Variants in C2CD2 observed in about 807,000 individuals in gnomAD.
C2CD2 encodes the protein C2 domain-containing protein 2.
Under a neutral mutation model 74.3 loss-of-function variants are expected in C2CD2, and 43 were observed. That is an observed-to-expected ratio of 0.58 (90% CI 0.45 to 0.75). C2CD2 has a LOEUF of 0.75. Among genes scored for constraint, C2CD2 ranks in the 30% least tolerant of loss-of-function variants. The pLI is 0.00. For missense variants in C2CD2, 801 were observed against 916.3 expected, an observed-to-expected ratio of 0.87 and a Z score of 1.63; for synonymous variants, 422 against 390.7, an observed-to-expected ratio of 1.08 and a Z score of -0.94.
chr21:41,942,798 T>C (rs2065366130), intron 1 of C2CD2: 1 of 179,558 alleles, frequency 5.6e-6, no homozygotes, highest in African/African-American at 2.4e-5. Flanking sequence ...GGCCTCTCCC[T>C]GGGATCTGAG....
intron 2 of C2CD2, among the ~76,000 whole-genome samples, chr21:41,938,169 A>G (rs770674641): frequency 3.8e-4 from 55 of 144,800 alleles, no homozygotes; most frequent in Middle Eastern, 3.6e-3. Flanking sequence ...CCACACGTGT[A>G]TATATATATA....
At chr21:41,944,793 T>C (rs533615910) in intron 1 of C2CD2, among the ~76,000 whole-genome samples, 8 of 152,070 alleles carry the variant, frequency 5.3e-5, no homozygotes, top group Admixed American at 1.3e-4. Flanking sequence ...TGTGTCCACA[T>C]AGAAAAAGAA....
In C2CD2 at chr21:41,905,743, T is replaced by C. The variant is rs1487014443; in HGVS notation, c.1413A>G (p.Thr471=). The change falls in exon 11 of 14, where the codon ACA becomes ACG. Residue 471 remains threonine (T), a synonymous_variant. Coordinates refer to ENST00000380486, the MANE Select transcript of C2CD2 (RefSeq NM_015500.2). ...IACRSAPVSK[T]LSSSDTELLV... is the part of the protein sequence containing the mutation. ...AGTTACCTGTGTCTGAAGAAGAGAGTGTTTTGCTGACGGGGGCGCTGCGGC... is the reference window on the plus strand; with the variant it reads ...AGTTACCTGTGTCTGAAGAAGAGAGCGTTTTGCTGACGGGGGCGCTGCGGC... 3 of 1,601,194 alleles carry C rather than the reference T, an allele frequency of 1.9e-6. No individual in the cohort carries two copies. Among genetic ancestry groups the C allele is most frequent in the Middle Eastern group, 3.3e-4 (2 of 6,026 alleles).
Position 41,899,361 on chromosome 21 carries a change from G to T in C2CD2, c.1562C>A (p.Thr521Asn). Residue 521 changes from threonine (T) to asparagine (N), a missense_variant and splice_region_variant, in exon 13 of 14, where the codon ACC becomes AAC. Physicochemically the swap from Thr to Asn is moderately conservative, Grantham distance 65. Coordinates refer to ENST00000380486, the MANE Select transcript of C2CD2 (RefSeq NM_015500.2). This position sits in a 1 kb window ranked among gnomAD's most constrained non-coding sequence, Gnocchi z 4.4. ...STIIISGISKTSLSQDHDAAL... is the reference protein window; with the variant it reads ...STIIISGISKNSLSQDHDAAL... Reference sequence around the variant, plus strand: ...AGCGTCGTGGTCCTGAGATAGTGAGGTCTGTCAGGGGCAGTGGGGAAGATG... The same window carrying T: ...AGCGTCGTGGTCCTGAGATAGTGAGTTCTGTCAGGGGCAGTGGGGAAGATG... 6.2e-7 allele frequency: 1 copy of T among 1,603,928 alleles called. No individual in the cohort carries two copies. The highest frequency in any genetic ancestry group is 8.5e-7 in the Non-Finnish European group (1 of 1,179,868).
chr21:41,916,393 C>A (rs758867955), intron 5 of C2CD2, among the ~76,000 whole-genome samples: 1 of 150,818 alleles, frequency 6.6e-6, no homozygotes, highest in Admixed American at 6.6e-5. Context: ...CCGTTGGAGG[C>A]GCAATGGAAC....
intron 13 of C2CD2, among the ~76,000 whole-genome samples, chr21:41,893,981 G>T (rs901722503): frequency 1.3e-5 from 2 of 152,250 alleles, no homozygotes; most frequent in African/African-American, 4.8e-5. Flanking sequence ...TTACAGGTGT[G>T]AGCCACGGCT....
In C2CD2 at chr21:41,903,731, C is replaced by T. The variant is rs1024045149; in HGVS notation, c.1433-1982G>A. ...GCTTCTGTTCAGTCCCCCGAGAGCC[C>T]GGTCCAGGTGCCAGGTGCAGCCTGC... On this transcript the variant is annotated intron_variant, in intron 11 of 13. Transcript: ENST00000380486. The surrounding 1 kb of genome is among the most constrained non-coding windows in gnomAD (Gnocchi z 4.5). Among the ~76,000 whole-genome samples, 1 of 152,160 alleles carries T rather than the reference C, an allele frequency of 6.6e-6. No homozygotes were observed. The highest frequency in any genetic ancestry group is 2.4e-5 in the African/African-American group (1 of 41,444).
At chr21:41,901,777 C>T (rs2064901641) in intron 11 of C2CD2, 28 bp from the exon 12 acceptor site, 5 of 1,609,416 alleles carry the variant, frequency 3.1e-6, no homozygotes, top group African/African-American at 1.3e-5. Context: ...GTGTTAAGTT[C>T]ATCAGCAAAA....
chr21:41,907,107 A>G lies in C2CD2; in HGVS notation c.1203T>C (p.Ala401=). The G allele has an allele frequency of 6.2e-7, 1 of 1,614,064 alleles. No homozygotes were observed. Among genetic ancestry groups the G allele is most frequent in the Non-Finnish European group, 8.5e-7 (1 of 1,179,896 alleles). ...KSWPIPPPVP[A]AKIEKDRTVM... ...CCGTGCGGTCCTTTTCTATTTTTGC[A>G]GCAGGAACAGGGGGAGGGATGGGCC... Residue 401 remains alanine (A), a synonymous_variant, in exon 10 of 14, where the codon GCT becomes GCC. Transcript: ENST00000380486.
At chr21:41,893,336 C>T (rs2064779513) in intron 13 of C2CD2, among the ~76,000 whole-genome samples, 1 of 152,116 alleles carries the variant, frequency 6.6e-6, no homozygotes, top group Non-Finnish European at 1.5e-5. Context: ...CACTGCACTC[C>T]AGCCTGGGTG....
In C2CD2 at chr21:41,889,196, CA is replaced by C; in HGVS notation, c.2018del (p.Leu673ArgfsTer15). The C allele has an allele frequency of 6.2e-7, 1 of 1,613,366 alleles. No individual in the cohort carries two copies. The highest frequency in any genetic ancestry group is 1.3e-5 in the African/African-American group (1 of 75,024). On this transcript the variant is annotated frameshift_variant, in exon 14 of 14. Coordinates refer to ENST00000380486, the MANE Select transcript of C2CD2 (RefSeq NM_015500.2). LOFTEE classifies it low-confidence loss of function (END_TRUNC). ...RRKGITLTRI[L>X]NKKLLSRHRN... ...TGTGCCTGGAGAGCAGCTTCTTGTT[CA>C]GGATCCTGGTGAGGGTGATGCCTTT...
intron 13 of C2CD2, among the ~76,000 whole-genome samples, chr21:41,896,723 A>AAAC (rs1175736644): frequency 6.6e-6 from 1 of 151,704 alleles, no homozygotes; most frequent in African/African-American, 2.4e-5. Context: ...AAAAAAAAAA[A>AAAC]AAAAAACAAG....
intron 13 of C2CD2, among the ~76,000 whole-genome samples, chr21:41,897,592 G>A (rs1462239563): frequency 6.6e-6 from 1 of 152,192 alleles, no homozygotes; most frequent in East Asian, 1.9e-4. Context: ...CAGGCAGTGG[G>A]CAAACAGAGT....
chr21:41,931,335 T>C (rs962139904), intron 2 of C2CD2, among the ~76,000 whole-genome samples: 1 of 150,260 alleles, frequency 6.7e-6, no homozygotes, highest in African/African-American at 2.4e-5. Flanking sequence ...GTGATAAATA[T>C]GTGTTTGGTC....
chr21:41,951,096 G>A (rs952491015), intron 1 of C2CD2, among the ~76,000 whole-genome samples: 2 of 152,090 alleles, frequency 1.3e-5, no homozygotes, highest in African/African-American at 2.4e-5. Flanking sequence ...CTCCCACACC[G>A]CCATCACTGT....
Position 41,888,784 on chromosome 21 carries a change from C to G in C2CD2, c.*340G>C. ...GAATAGGTAAACTAAGTCCCTCAAA[C>G]CTGCCCTCCACAATCTATTAGAGCA... On this transcript the variant is annotated 3_prime_UTR_variant, in exon 14 of 14. Coordinates refer to ENST00000380486, the MANE Select transcript of C2CD2 (RefSeq NM_015500.2). The G allele has an allele frequency of 3.3e-6, 1 of 306,112 alleles. No individual in the cohort carries two copies. Among genetic ancestry groups the G allele is most frequent in the South Asian group, 4.2e-5 (1 of 23,882 alleles). 19.0% of individuals were successfully genotyped at this position (306,112 alleles called of 1,614,324 possible).
intron 12 of C2CD2, among the ~76,000 whole-genome samples, chr21:41,900,187 T>G (rs1196379024): frequency 6.6e-6 from 1 of 151,952 alleles, no homozygotes; most frequent in Admixed American, 6.6e-5. Context: ...GGCAGGAGAA[T>G]GGCGTGAACC....
At chr21:41,906,875 G>A (rs900582160) in intron 10 of C2CD2, 117 bp downstream of exon 10, 24 of 728,526 alleles carry the variant, frequency 3.3e-5, no homozygotes, top group Non-Finnish European at 5.3e-5. Flanking sequence ...TTCCTGTGCT[G>A]TGAGAATTTC....
intron 7 of C2CD2, chr21:41,912,010 T>A: frequency 4.5e-6 from 1 of 222,168 alleles, no homozygotes; most frequent in Non-Finnish European, 8.8e-6. Context: ...CGCCTTTTTC[T>A]ATTTTCTTCG....
Sources: gnomAD v4.1 joint callset for allele counts (sites outside exome capture counted in the v4.1 genomes callset) on GRCh38, gnomAD v4.1.1 for gene constraint, Gnocchi (gnomAD v3.1) non-coding constraint, MANE v1.5 for transcripts, NCBI Gene and HGNC (gene_info 2026-07-23, HGNC 2026-07-21) for gene names.